Variants in SGSM1 observed in about 807,000 individuals in gnomAD.
SGSM1 encodes small G protein signaling modulator 1.
Under a neutral mutation model 133.8 loss-of-function variants are expected in SGSM1, and 73 were observed. The ratio of observed to expected loss-of-function variants is 0.55; its 90% CI spans 0.45 to 0.66. The LOEUF (loss-of-function observed/expected upper bound fraction) is 0.66, where lower values mean the gene tolerates loss of function less well. Ranked by LOEUF, SGSM1 falls within the 30% of genes least tolerant of loss-of-function variation. The pLI, the probability that SGSM1 is intolerant of heterozygous loss-of-function variation, is 0.00. For synonymous variants in SGSM1, 563 were observed against 573.0 expected, an observed-to-expected ratio of 0.98 and a Z score of 0.25; for missense variants, 1,213 against 1,448.1, an observed-to-expected ratio of 0.84 and a Z score of 2.64.
rs546797353 is a variant in SGSM1, at chr22:24,808,357, G to A, written c.63+1873G>A. Among the ~76,000 whole-genome samples, 89 of 152,044 alleles carry A rather than the reference G, an allele frequency of 5.9e-4. 3 individuals carry two copies. The South Asian group carries it at 0.017, about 29-fold the overall frequency. Reference sequence around the variant, plus strand: ...GTCTCGATCTCCTGACCTCGTGATCGCCTGCCTCGGCCTCCCAAAGTGCTG... The same window carrying A: ...GTCTCGATCTCCTGACCTCGTGATCACCTGCCTCGGCCTCCCAAAGTGCTG... On this transcript the variant is annotated intron_variant, in intron 2 of 24. Coordinates refer to ENST00000400358, the MANE Select transcript of SGSM1 (RefSeq NM_001098497.3).
intron 5 of SGSM1, among the ~76,000 whole-genome samples, chr22:24,851,682 T>A (rs968443507): frequency 2.0e-5 from 3 of 152,172 alleles, no homozygotes; most frequent in Non-Finnish European, 2.9e-5. Context: ...TGATAATACC[T>A]GATGGATGTT....
Position 24,876,639 on chromosome 22 carries a change from C to A in SGSM1, c.1354C>A (p.Arg452=). ...CCCATCCCTGTGGCAGCCCAGTCCC[C>A]GGAAGTCCTCCTGTTCATCCTGTTC... ...NLPSLWQPSP[R]KSSCSSCSQS... The change falls in exon 13 of 25, where the codon CGG becomes AGG. Residue 452 remains arginine (R), a synonymous_variant. Coordinates refer to ENST00000400358, the MANE Select transcript of SGSM1 (RefSeq NM_001098497.3). 2 of 1,613,988 alleles carry A rather than the reference C, an allele frequency of 1.2e-6. No homozygotes were observed. Among genetic ancestry groups the A allele is most frequent in the South Asian group, 2.2e-5 (2 of 91,076 alleles).
intron 14 of SGSM1, 140 bp downstream of exon 14, chr22:24,879,666 G>A (rs997575460): frequency 2.2e-5 from 19 of 845,090 alleles, no homozygotes; most frequent in Middle Eastern, 2.4e-4. Flanking sequence ...TTTCAGTGAC[G>A]TTACATGAAC....
chr22:24,812,133 G>A (rs1371465865), intron 2 of SGSM1, among the ~76,000 whole-genome samples: 1 of 148,094 alleles, frequency 6.8e-6, no homozygotes, highest in East Asian at 2.0e-4. Flanking sequence ...TGGCGTCACT[G>A]CACTTCAGCC....
At chr22:24,823,333 T>A (rs1231408976) in intron 2 of SGSM1, among the ~76,000 whole-genome samples, 1 of 152,208 alleles carries the variant, frequency 6.6e-6, no homozygotes, top group Non-Finnish European at 1.5e-5. Context: ...CCAGGCGCGG[T>A]GGCTCGCACC....
At position 24,876,720 on chromosome 22, in the gene SGSM1, GA is replaced by G; in HGVS notation, c.1430+6del. 1 of 1,613,944 alleles carries G rather than the reference GA, an allele frequency of 6.2e-7. No individual in the cohort carries two copies. Among genetic ancestry groups the G allele is most frequent in the Non-Finnish European group, 8.5e-7 (1 of 1,179,882 alleles). On this transcript the variant is annotated splice_donor_region_variant and intron_variant, in intron 13 of 24. Transcript: ENST00000400358. ...CAATGGCTGCAACCATGAGAGGTAT[GA>G]GGGGCTTGAGCTGCAGATGGAGAGA...
chr22:24,844,853 G>T, intron 2 of SGSM1, 44 bp from the exon 3 acceptor site: 1 of 1,601,714 alleles, frequency 6.2e-7, no homozygotes, highest in Non-Finnish European at 8.5e-7. Context: ...AGGTCACCTT[G>T]GTCACCTTGG....
At chr22:24,924,150 A>G (rs1197327663) in intron 24 of SGSM1, 36 bp from the exon 25 acceptor site, 7 of 1,597,484 alleles carry the variant, frequency 4.4e-6, no homozygotes, top group Non-Finnish European at 6.0e-6. Context: ...TGGACACAGA[A>G]GGAGGCTCAT....
intron 4 of SGSM1, among the ~76,000 whole-genome samples, chr22:24,848,086 C>G (rs1930257095): frequency 6.6e-6 from 1 of 152,036 alleles, no homozygotes; most frequent in South Asian, 2.1e-4. Context: ...CTGTTTATTT[C>G]CCTCCCCGTT....
chr22:24,886,770 A>G (rs1220247655), intron 16 of SGSM1, 42 bp downstream of exon 16: 2 of 1,553,836 alleles, frequency 1.3e-6, no homozygotes, highest in South Asian at 2.4e-5. Context: ...TGGCAACAAA[A>G]GGAGCCAGAT....
intron 22 of SGSM1, among the ~76,000 whole-genome samples, chr22:24,915,272 T>C (rs1378598808): frequency 2.0e-5 from 3 of 149,156 alleles, no homozygotes; most frequent in African/African-American, 5.2e-5. Flanking sequence ...AGCGCTGCAC[T>C]GAAATTCTTG....
chr22:24,829,779 T>C (rs754961060), intron 2 of SGSM1, among the ~76,000 whole-genome samples: 3 of 152,178 alleles, frequency 2.0e-5, no homozygotes, highest in Non-Finnish European at 2.9e-5. Context: ...TATACACAGT[T>C]CCTGGAACGT....
chr22:24,903,529 T>C (rs951193866), intron 20 of SGSM1, among the ~76,000 whole-genome samples: 3 of 152,120 alleles, frequency 2.0e-5, no homozygotes, highest in African/African-American at 4.8e-5. Flanking sequence ...ATTTTTTAAA[T>C]GTTTTAAACT....
chr22:24,888,339 C>CT (rs1380247420), intron 16 of SGSM1, among the ~76,000 whole-genome samples: 2 of 151,982 alleles, frequency 1.3e-5, no homozygotes, highest in African/African-American at 4.8e-5. Context: ...GAGGTAAAAT[C>CT]TTTTGAGTTT....
At chr22:24,809,331 G>A (rs777069607) in intron 2 of SGSM1, among the ~76,000 whole-genome samples, 7 of 152,188 alleles carry the variant, frequency 4.6e-5, no homozygotes, top group Non-Finnish European at 1.0e-4. Context: ...GCCTGTCACA[G>A]CCTCACCCAG....
intron 9 of SGSM1, among the ~76,000 whole-genome samples, chr22:24,863,566 A>C (rs1285185397): frequency 1.3e-5 from 2 of 152,194 alleles, no homozygotes; most frequent in Middle Eastern, 3.4e-3. Flanking sequence ...TATCGTTGTT[A>C]TTCTCACCAG....
At chr22:24,880,141 CTT>C (rs938666794) in intron 14 of SGSM1, among the ~76,000 whole-genome samples, 1 of 146,720 alleles carries the variant, frequency 6.8e-6, no homozygotes, top group African/African-American at 2.5e-5. Flanking sequence ...TCTCTGCTGT[CTT>C]TTTTTTTTTG....
intron 2 of SGSM1, among the ~76,000 whole-genome samples, chr22:24,831,691 C>T (rs562453569): frequency 1.3e-5 from 2 of 152,310 alleles, no homozygotes; most frequent in Admixed American, 1.3e-4. Context: ...AAACAAAAAG[C>T]CCTCTTGATA....
intron 21 of SGSM1, among the ~76,000 whole-genome samples, chr22:24,909,451 T>TTTA (rs150425856): frequency 0.15 from 22,943 of 150,696 alleles, 1,868 homozygotes; most frequent in South Asian, 0.27. Context: ...TATTTATTTA[T>TTTA]TTATTATTAT....
Sources: gnomAD v4.1 joint callset for allele counts (sites outside exome capture counted in the v4.1 genomes callset) on GRCh38, gnomAD v4.1.1 for gene constraint, MANE v1.5 for transcripts, NCBI Gene and HGNC (gene_info 2026-07-23, HGNC 2026-07-21) for gene names.